TANC2: variants seen among roughly 807,000 people sequenced by gnomAD.
The protein encoded by TANC2 is protein TANC2.
In TANC2, 26 loss-of-function variants were observed where a neutral mutation model predicts 210.5. The ratio of observed to expected loss-of-function variants is 0.12; its 90% CI spans 0.09 to 0.17. The LOEUF is 0.17. Among genes scored for constraint, TANC2 ranks in the 10% least tolerant of loss-of-function variants. The pLI, the probability that TANC2 is intolerant of heterozygous loss-of-function variation, is 1.00. For missense variants in TANC2, 2,129 were observed against 2,608.9 expected (o/e 0.82, Z 4.01); for synonymous variants, 931 against 967.1 (o/e 0.96, Z 0.69).
At chr17:63,201,727 A>G (rs181075985) in intron 7 of TANC2, among the ~76,000 whole-genome samples, 1 of 151,554 alleles carries the variant, frequency 6.6e-6, no homozygotes, top group African/African-American at 2.4e-5. Flanking sequence ...AACTAAAACC[A>G]CTCTGATAAA....
chr17:63,037,426 A>C (rs1458999757), intron 2 of TANC2, among the ~76,000 whole-genome samples: 1 of 152,160 alleles, frequency 6.6e-6, no homozygotes, highest in African/African-American at 2.4e-5. Flanking sequence ...TGGGTAACTG[A>C]AACCATAGAA....
At chr17:63,427,496 T>C (rs1288287681) in exon 28 of TANC2, 1 of 152,284 alleles carries the variant, frequency 6.6e-6, no homozygotes, top group African/African-American at 2.4e-5. Flanking sequence ...CACAGAGGCA[T>C]CTACCCCTGT....
intron 1 of TANC2, among the ~76,000 whole-genome samples, chr17:62,976,969 C>A (rs778361096): frequency 6.6e-6 from 1 of 152,116 alleles, no homozygotes; most frequent in Non-Finnish European, 1.5e-5. Flanking sequence ...CCGTTCCAGC[C>A]GATGGAAACC....
At chr17:62,992,657 A>G (rs1331469659) in intron 1 of TANC2, among the ~76,000 whole-genome samples, 1 of 152,236 alleles carries the variant, frequency 6.6e-6, no homozygotes, top group Non-Finnish European at 1.5e-5. Context: ...TTAAATAGCA[A>G]CATAGCATTT....
chr17:63,324,045 G>C (rs574942947), intron 11 of TANC2, among the ~76,000 whole-genome samples: 5 of 152,256 alleles, frequency 3.3e-5, no homozygotes, highest in African/African-American at 1.2e-4. Context: ...CATCATTTAA[G>C]GTGGCTTCAC....
At chr17:63,048,302 GCAGAACTC>G (rs1182084132) in intron 2 of TANC2, among the ~76,000 whole-genome samples, 1 of 152,084 alleles carries the variant, frequency 6.6e-6, no homozygotes, top group Non-Finnish European at 1.5e-5. Context: ...GAGAATTATT[GCAGAACTC>G]CAGTTTGAGA....
exon 28 of TANC2, chr17:63,425,632 T>G (rs2049125225): frequency 6.6e-6 from 1 of 152,182 alleles, no homozygotes; most frequent in African/African-American, 2.4e-5. Context: ...CGGCATCCCC[T>G]CGGGAGAGAG....
chr17:63,140,770 C>G (rs1567757444), intron 4 of TANC2, among the ~76,000 whole-genome samples: 1 of 152,170 alleles, frequency 6.6e-6, no homozygotes, highest in Non-Finnish European at 1.5e-5. Flanking sequence ...GTTTTTGAGA[C>G]AGAGTGTCGC....
At chr17:63,016,549 C>T (rs1325956826) in intron 2 of TANC2, among the ~76,000 whole-genome samples, 1 of 152,088 alleles carries the variant, frequency 6.6e-6, no homozygotes, top group Non-Finnish European at 1.5e-5. Flanking sequence ...ATATGAGTTT[C>T]TTTGAGTTTT....
At chr17:63,118,274 A>G (rs1416333790) in intron 4 of TANC2, among the ~76,000 whole-genome samples, 4 of 152,122 alleles carry the variant, frequency 2.6e-5, no homozygotes, top group East Asian at 1.9e-4. Context: ...TAACAACACA[A>G]TTTGCAAGTT....
At position 63,056,022 on chromosome 17, in the gene TANC2, T is replaced by TATGC. The variant is rs1555769621; in HGVS notation, c.68-17920_68-17917dup. 4.9e-4 allele frequency among the ~76,000 whole-genome samples: 50 copies of TATGC among 101,138 alleles called. 2 individuals carry two copies. The highest frequency in any genetic ancestry group is 8.8e-4 in the Non-Finnish European group (42 of 47,988). 66.4% of individuals were successfully genotyped at this position (101,138 alleles called of 152,430 possible). A position where few individuals can be genotyped will look rare whatever the true frequency, so the allele number is the denominator to read the frequency against. ...ATATATATATATATATATATATATA[T>TATGC]ATGCCAGGGGTGGTGGCTCCCACCT... On this transcript the variant is annotated intron_variant, in intron 2 of 27. Coordinates refer to ENST00000689528, the Ensembl canonical transcript of TANC2.
intron 4 of TANC2, among the ~76,000 whole-genome samples, chr17:63,118,474 A>G (rs1233984005): frequency 6.6e-6 from 1 of 152,204 alleles, no homozygotes; most frequent in Non-Finnish European, 1.5e-5. Flanking sequence ...TCAGCTAACC[A>G]TGGTAACTTA....
chr17:63,109,886 GACATAAATTA>G (rs2037968663), intron 4 of TANC2, among the ~76,000 whole-genome samples: 2 of 151,566 alleles, frequency 1.3e-5, no homozygotes, highest in African/African-American at 4.9e-5. Context: ...AGAACTATAC[GACATAAATTA>G]ACCTCTTCTT....
intron 2 of TANC2, among the ~76,000 whole-genome samples, chr17:63,073,541 T>G (rs2036472066): frequency 6.6e-6 from 1 of 152,160 alleles, no homozygotes; most frequent in African/African-American, 2.4e-5. Context: ...AGTAAAACAG[T>G]ACTAGGGATT....
intron 3 of TANC2, 76 bp downstream of exon 3, chr17:63,074,090 A>G: frequency 8.6e-7 from 1 of 1,158,850 alleles, no homozygotes; most frequent in Non-Finnish European, 1.2e-6. Flanking sequence ...TAATTTGGAG[A>G]CTAGGATATT....
intron 11 of TANC2, among the ~76,000 whole-genome samples, chr17:63,330,179 A>G (rs184927424): frequency 8.6e-4 from 131 of 152,310 alleles, no homozygotes; most frequent in African/African-American, 2.8e-3. Flanking sequence ...CTTCAATTCT[A>G]TGAAGGCTGA....
intron 4 of TANC2, among the ~76,000 whole-genome samples, chr17:63,133,489 G>A (rs1461425795): frequency 1.3e-5 from 2 of 151,906 alleles, no homozygotes; most frequent in African/African-American, 2.4e-5. Context: ...AAAAAAAATG[G>A]AATAACCTTC....
At chr17:63,340,010 G>A (rs1370829570) in intron 11 of TANC2, 91 bp from the exon 12 acceptor site, 9 of 926,904 alleles carry the variant, frequency 9.7e-6, no homozygotes, top group South Asian at 3.0e-5. Flanking sequence ...GATACTAAGT[G>A]ATTTCTAGTA....
intron 9 of TANC2, among the ~76,000 whole-genome samples, chr17:63,294,217 G>T (rs536480696): frequency 6.6e-6 from 1 of 152,236 alleles, no homozygotes; most frequent in African/African-American, 2.4e-5. Context: ...TTGGCTCATG[G>T]CTGTAATCCC....
Sources: allele counts gnomAD v4.1 joint callset (sites outside exome capture counted in the v4.1 genomes callset), GRCh38; gene constraint gnomAD v4.1.1; transcripts MANE v1.5; gene names NCBI Gene and HGNC (gene_info 2026-07-23, HGNC 2026-07-21).